The following CUBN variants were observed in gnomAD, a reference collection of about 807,000 sequenced individuals.
The protein encoded by CUBN is cubilin.
A neutral mutation model predicts 405.3 loss-of-function variants in CUBN; 282 were observed. That is an observed-to-expected ratio of 0.70 (90% CI 0.63 to 0.77). The LOEUF (loss-of-function observed/expected upper bound fraction) is 0.77. CUBN is among the 30% of genes least tolerant of loss of function. CUBN has a pLI of 0.00. For missense variants in CUBN, 4,514 were observed against 4,475.2 expected, an observed-to-expected ratio of 1.01 and a Z score of -0.25; for synonymous variants, 1,684 against 1,617.0, an observed-to-expected ratio of 1.04 and a Z score of -0.99.
At chr10:16,860,573 A>G (rs1260617663) in intron 59 of CUBN, among the ~76,000 whole-genome samples, 1 of 152,228 alleles carries the variant, frequency 6.6e-6, no homozygotes, top group Non-Finnish European at 1.5e-5. Flanking sequence ...GATATCCTAA[A>G]GGCATCAAAT....
At chr10:17,097,194 G>C (rs1426417012) in intron 14 of CUBN, among the ~76,000 whole-genome samples, 1 of 151,806 alleles carries the variant, frequency 6.6e-6, no homozygotes, top group African/African-American at 2.4e-5. Context: ...ACAAATCCTT[G>C]GTAAGACTTA....
chr10:17,039,455 C>T (rs535003436), intron 27 of CUBN, among the ~76,000 whole-genome samples: 6 of 152,258 alleles, frequency 3.9e-5, no homozygotes, highest in Middle Eastern at 3.4e-3. Context: ...CACAGACCTT[C>T]GAGAAGCCCA....
In CUBN at chr10:16,913,942, A is replaced by G; in HGVS notation, c.7402T>C (p.Tyr2468His). 6.2e-7 allele frequency: 1 copy of G among 1,614,128 alleles called. No homozygotes were observed. Among genetic ancestry groups the G allele is most frequent in the Non-Finnish European group, 8.5e-7 (1 of 1,180,020 alleles). ...GSIGTFTSPN[Y>H]PNPNPHGRIC... Reference sequence around the variant, plus strand: ...CGGCCATGAGGATTTGGGTTCGGGTAGTTGGGAGAAGTAAATGTTCCAATA... The same window carrying G: ...CGGCCATGAGGATTTGGGTTCGGGTGGTTGGGAGAAGTAAATGTTCCAATA... Residue 2468 changes from tyrosine (Y) to histidine (H), a missense_variant, in exon 48 of 67, where the codon TAC (tyrosine) becomes CAC (histidine). Coordinates refer to ENST00000377833, the MANE Select transcript of CUBN (RefSeq NM_001081.4).
At chr10:16,980,686 T>C (rs1411918548) in intron 31 of CUBN, among the ~76,000 whole-genome samples, 1 of 151,934 alleles carries the variant, frequency 6.6e-6, no homozygotes, top group Non-Finnish European at 1.5e-5. Context: ...CACCGGTGCC[T>C]GTCGAGGGGT....
intron 27 of CUBN, among the ~76,000 whole-genome samples, chr10:17,022,603 G>A (rs1402064851): frequency 6.6e-6 from 1 of 152,180 alleles, no homozygotes; most frequent in African/African-American, 2.4e-5. Context: ...TCCTGCAGGC[G>A]GAGAAACCGG....
chr10:16,898,874 T>C, intron 54 of CUBN, 122 bp downstream of exon 54: 1 of 759,224 alleles, frequency 1.3e-6, no homozygotes, highest in Non-Finnish European at 2.4e-6. Context: ...TTTCTCACTT[T>C]TCATCCAAGG....
intron 31 of CUBN, among the ~76,000 whole-genome samples, chr10:16,977,813 C>A (rs993566570): frequency 6.6e-6 from 1 of 152,234 alleles, no homozygotes; most frequent in Non-Finnish European, 1.5e-5. Context: ...GCACCCCTGT[C>A]TGCATGTTTC....
rs145161809 is a variant in CUBN, at chr10:16,891,420, C to G, written c.8599-893G>C. 6.2e-3 allele frequency among the ~76,000 whole-genome samples: 949 copies of G among 152,010 alleles called. 7 individuals carry two copies. Among genetic ancestry groups the G allele is most frequent in the Middle Eastern group, 0.027 (8 of 294 alleles). ...AGCGAACCCCGATGGCAGGAAAGGC[C>G]GTGGCTAGTTCAGAGAAGAGAGAGA... On this transcript the variant is annotated intron_variant, in intron 54 of 66. Transcript: ENST00000377833.
intron 10 of CUBN, 94 bp from the exon 11 acceptor site, chr10:17,105,669 C>T: frequency 2.7e-6 from 2 of 736,462 alleles, no homozygotes; most frequent in Admixed American, 2.0e-5. Context: ...AGACAAGGAT[C>T]CACCAACATC....
intron 27 of CUBN, among the ~76,000 whole-genome samples, chr10:17,025,137 AT>A (rs1369567560): frequency 2.0e-5 from 3 of 152,194 alleles, no homozygotes; most frequent in Non-Finnish European, 4.4e-5. Context: ...GAAATAATTC[AT>A]CTGCTGTGAG....
intron 29 of CUBN, among the ~76,000 whole-genome samples, chr10:16,985,375 A>G (rs1215428430): frequency 6.6e-6 from 1 of 152,206 alleles, no homozygotes; most frequent in Non-Finnish European, 1.5e-5. Flanking sequence ...GCGAAACTCT[A>G]TGGGGAAGAT....
chr10:17,074,919 T>C (rs1316717815), intron 17 of CUBN, among the ~76,000 whole-genome samples: 1 of 152,006 alleles, frequency 6.6e-6, no homozygotes, highest in African/African-American at 2.4e-5. Flanking sequence ...TCTTAAATTG[T>C]AGAGAACCAC....
At position 16,918,716 on chromosome 10, in the gene CUBN, G is replaced by A; in HGVS notation, c.6906C>T (p.Pro2302=). 2.5e-6 allele frequency: 4 copies of A among 1,613,868 alleles called. No individual in the cohort carries two copies. The highest frequency in any genetic ancestry group is 3.4e-6 in the Non-Finnish European group (4 of 1,179,858). The part of the protein sequence containing the change: ...ILSKFCGTSL[P]SSQWSSGEVM... ...CCTCTCCTGAGGACCACTGACTGCT[G>A]GGCAAAGATGTCCCACAAAATTTGG... is the stretch of plus-strand genomic sequence containing the variant. Residue 2302 remains proline (P), a synonymous_variant, in exon 45 of 67, where the codon CCC becomes CCT. Coordinates refer to ENST00000377833, the MANE Select transcript of CUBN (RefSeq NM_001081.4).
chr10:17,026,168 C>A (rs1834658056), intron 27 of CUBN, among the ~76,000 whole-genome samples: 1 of 152,184 alleles, frequency 6.6e-6, no homozygotes, highest in Non-Finnish European at 1.5e-5. Context: ...CCCAAACAAC[C>A]ACCACAGCAG....
intron 60 of CUBN, 100 bp from the exon 61 acceptor site, chr10:16,841,147 T>A: frequency 1.1e-6 from 1 of 943,050 alleles, no homozygotes. Flanking sequence ...CGGTAAACAT[T>A]TTTACATTGA....
chr10:17,002,319 T>C lies in CUBN; in HGVS notation c.4169-11804A>G, dbSNP rs142860238. Among the ~76,000 whole-genome samples, 1,096 of 152,282 alleles carry C rather than the reference T, an allele frequency of 7.2e-3. 12 individuals are homozygous for C. The highest frequency in any genetic ancestry group is 0.012 in the Non-Finnish European group (846 of 68,020). ...CCTGCAAAGTACATGCATTCCTCTA[T>C]TGGGGATATTGTTGCCAGGGAACCA... On this transcript the variant is annotated intron_variant, in intron 28 of 66. Coordinates refer to ENST00000377833, the MANE Select transcript of CUBN (RefSeq NM_001081.4).
intron 26 of CUBN, among the ~76,000 whole-genome samples, chr10:17,043,593 C>T (rs192739332): frequency 5.9e-5 from 9 of 152,282 alleles, no homozygotes; most frequent in Admixed American, 2.0e-4. Flanking sequence ...AAATTTAATA[C>T]GTATTTCTCC....
chr10:16,972,192 G>C (rs1832955769), intron 31 of CUBN, among the ~76,000 whole-genome samples: 1 of 152,078 alleles, frequency 6.6e-6, no homozygotes, highest in African/African-American at 2.4e-5. Context: ...TTACATGGCA[G>C]TGTTTCCCCA....
intron 43 of CUBN, among the ~76,000 whole-genome samples, 180 bp from the exon 44 acceptor site, chr10:16,920,317 G>C (rs989079391): frequency 6.6e-6 from 1 of 152,116 alleles, no homozygotes; most frequent in Admixed American, 6.6e-5. Flanking sequence ...GGAGCTACGA[G>C]GTGTGACACT....
Sources: allele counts gnomAD v4.1 joint callset (sites outside exome capture counted in the v4.1 genomes callset), GRCh38; gene constraint gnomAD v4.1.1; transcripts MANE v1.5; gene names NCBI Gene and HGNC (gene_info 2026-07-23, HGNC 2026-07-21).